SGCZ: variants seen among roughly 807,000 people sequenced by gnomAD.
The protein encoded by SGCZ is zeta-sarcoglycan.
A neutral mutation model predicts 41.3 loss-of-function variants in SGCZ; 40 were observed. The observed-to-expected ratio is 0.97, with a 90% confidence interval of 0.75 to 1.26. The LOEUF (loss-of-function observed/expected upper bound fraction) is 1.26. Ranked by LOEUF, SGCZ falls within the 50% of genes most tolerant of loss-of-function variation. The pLI is 0.00. For synonymous variants in SGCZ, 206 were observed against 137.5 expected (o/e 1.50, Z -3.49); for missense variants, 552 against 369.8 (o/e 1.49, Z -4.04).
chr8:14,612,589 G>T (rs971573400), intron 1 of SGCZ, among the ~76,000 whole-genome samples: 3 of 152,126 alleles, frequency 2.0e-5, no homozygotes, highest in Admixed American at 2.0e-4. Flanking sequence ...TCCCCCAAAG[G>T]CCATAGAATT....
chr8:14,297,701 C>A (rs1801060349), intron 3 of SGCZ, among the ~76,000 whole-genome samples: 1 of 151,786 alleles, frequency 6.6e-6, no homozygotes, highest in African/African-American at 2.4e-5. Flanking sequence ...ACATAAAAAG[C>A]AATAGAACAT....
chr8:14,624,555 A>ATTATTATTTTTTTTTTTTTTTTTT (rs1438250019), intron 1 of SGCZ, among the ~76,000 whole-genome samples: 1 of 96,268 alleles, frequency 1.0e-5, no homozygotes, highest in Non-Finnish European at 2.0e-5. Context: ...TATTATTATT[A>ATTATTATTTTTTTTTTTTTTTTTT]TTTTTTTTTT....
chr8:15,109,501 T>C (rs919176100), intron 1 of SGCZ, among the ~76,000 whole-genome samples: 6 of 152,184 alleles, frequency 3.9e-5, no homozygotes, highest in African/African-American at 1.4e-4. Context: ...AGTATAGTTA[T>C]TTATTTGCAA....
chr8:14,556,038 GAATT>G (rs1247664265), intron 1 of SGCZ, among the ~76,000 whole-genome samples: 2 of 151,812 alleles, frequency 1.3e-5, no homozygotes, highest in African/African-American at 2.4e-5. Context: ...TCAGGTTCTA[GAATT>G]AATTCTTTCA....
At chr8:14,329,988 G>A (rs1802256935) in intron 2 of SGCZ, among the ~76,000 whole-genome samples, 1 of 151,966 alleles carries the variant, frequency 6.6e-6, no homozygotes, top group Non-Finnish European at 1.5e-5. Context: ...AGCTGCTTGA[G>A]ATAATCTTCA....
At chr8:14,360,783 G>A (rs1481995613) in intron 2 of SGCZ, among the ~76,000 whole-genome samples, 1 of 152,106 alleles carries the variant, frequency 6.6e-6, no homozygotes, top group Non-Finnish European at 1.5e-5. Flanking sequence ...GGTTTCCTGT[G>A]GGAACATTAT....
At chr8:14,241,730 G>C (rs1014487016) in intron 3 of SGCZ, among the ~76,000 whole-genome samples, 1 of 152,006 alleles carries the variant, frequency 6.6e-6, no homozygotes, top group Non-Finnish European at 1.5e-5. Flanking sequence ...AGGTGATCCA[G>C]TTAGAAAGGC....
At chr8:14,138,928 C>G (rs1029177142) in intron 5 of SGCZ, among the ~76,000 whole-genome samples, 1 of 152,076 alleles carries the variant, frequency 6.6e-6, no homozygotes, top group African/African-American at 2.4e-5. Context: ...CAAAACTGAC[C>G]ACATAGCCGA....
At chr8:14,848,200 GA>G (rs2130646643) in intron 1 of SGCZ, among the ~76,000 whole-genome samples, 1 of 152,198 alleles carries the variant, frequency 6.6e-6, no homozygotes, top group African/African-American at 2.4e-5. Flanking sequence ...ATTGTTTAGA[GA>G]AATGAAAGAG....
At chr8:14,696,406 C>G (rs1808965093) in intron 1 of SGCZ, among the ~76,000 whole-genome samples, 1 of 152,060 alleles carries the variant, frequency 6.6e-6, no homozygotes, top group South Asian at 2.1e-4. Flanking sequence ...TGATAACAAG[C>G]TGTTTATTAA....
intron 1 of SGCZ, among the ~76,000 whole-genome samples, chr8:15,051,324 G>A (rs1005546643): frequency 6.6e-6 from 1 of 152,182 alleles, no homozygotes; most frequent in African/African-American, 2.4e-5. Flanking sequence ...ATAAGGTCTT[G>A]AAATTTATCC....
At chr8:14,594,708 ACTGT>A (rs565737750) in intron 1 of SGCZ, among the ~76,000 whole-genome samples, 26 of 151,980 alleles carry the variant, frequency 1.7e-4, no homozygotes, top group East Asian at 3.9e-4. Flanking sequence ...AATATGAATA[ACTGT>A]CTGTGCGTTG....
intron 1 of SGCZ, among the ~76,000 whole-genome samples, chr8:15,054,953 C>T (rs1804650559): frequency 9.6e-6 from 1 of 103,762 alleles, no homozygotes; most frequent in African/African-American, 3.1e-5. Context: ...CAGAGCAAGA[C>T]TCCATCTCAA....
At position 14,432,914 on chromosome 8, in the gene SGCZ, C is replaced by CAAAAAAA. The variant is rs767979164; in HGVS notation, c.235-108717_235-108711dup. ...GGGCAAAAGAGTGAGACTGTGTCTC[C>CAAAAAAA]AAAAAAAAAAAAAAAAAAAAAAAAA... On this transcript the variant is annotated intron_variant, in intron 2 of 7. Transcript: ENST00000382080. 1.4e-3 allele frequency among the ~76,000 whole-genome samples: 103 copies of CAAAAAAA among 75,598 alleles called. 10 individuals are homozygous for CAAAAAAA. The highest frequency in any genetic ancestry group is 5.7e-3 in the African/African-American group (91 of 16,020). 49.6% of individuals were successfully genotyped at this position (75,598 alleles called of 152,430 possible). A position where few individuals can be genotyped will look rare whatever the true frequency, so the allele number is the denominator to read the frequency against.
intron 1 of SGCZ, among the ~76,000 whole-genome samples, chr8:14,594,549 G>A (rs1194828347): frequency 6.7e-6 from 1 of 150,198 alleles, no homozygotes; most frequent in African/African-American, 2.5e-5. Context: ...TAAAAGCATG[G>A]TGATGATGCA....
intron 3 of SGCZ, among the ~76,000 whole-genome samples, chr8:14,258,692 T>C (rs1799549945): frequency 1.3e-5 from 2 of 152,212 alleles, no homozygotes; most frequent in South Asian, 4.1e-4. Flanking sequence ...AATGTAATGG[T>C]CTTGTGATTA....
chr8:14,141,975 A>C (rs1261601287), intron 5 of SGCZ, among the ~76,000 whole-genome samples: 2 of 152,222 alleles, frequency 1.3e-5, no homozygotes, highest in African/African-American at 2.4e-5. Context: ...ACCATGGAAT[A>C]CTCTGCAGTC....
intron 1 of SGCZ, among the ~76,000 whole-genome samples, chr8:15,061,021 T>C (rs954678805): frequency 6.6e-6 from 1 of 152,194 alleles, no homozygotes; most frequent in East Asian, 1.9e-4. Flanking sequence ...TTCTGGGATT[T>C]CTTCCACACA....
chr8:14,566,634 A>C (rs61229798), intron 1 of SGCZ, among the ~76,000 whole-genome samples: 1 of 152,244 alleles, frequency 6.6e-6, no homozygotes, highest in Admixed American at 6.5e-5. Flanking sequence ...TTTGTTTTAC[A>C]TGATAGTGAG....
Sources: allele counts gnomAD v4.1 joint callset (sites outside exome capture counted in the v4.1 genomes callset), GRCh38; gene constraint gnomAD v4.1.1; transcripts MANE v1.5; gene names NCBI Gene and HGNC (gene_info 2026-07-23, HGNC 2026-07-21).